Variants in PTPRZ1 observed in about 807,000 individuals in gnomAD.
The protein encoded by PTPRZ1 is receptor-type tyrosine-protein phosphatase zeta.
PTPRZ1 carries 82 observed loss-of-function variants against 214.1 expected under a neutral mutation model. That is an observed-to-expected ratio of 0.38 (90% CI 0.32 to 0.46). PTPRZ1 has a LOEUF of 0.46. Ranked by LOEUF, PTPRZ1 falls within the 20% of genes least tolerant of loss-of-function variation. The pLI is 1.00. For synonymous variants in PTPRZ1, 945 were observed against 987.9 expected (o/e 0.96, Z 0.81); for missense variants, 2,603 against 2,748.7 (o/e 0.95, Z 1.19).
chr7:121,990,799 C>T (rs1329486067), intron 8 of PTPRZ1, among the ~76,000 whole-genome samples: 4 of 152,110 alleles, frequency 2.6e-5, no homozygotes, highest in African/African-American at 7.2e-5. Flanking sequence ...AGATTACAGG[C>T]GTGAGCCATC....
At chr7:121,928,074 A>G in intron 1 of PTPRZ1, 82 bp from the exon 2 acceptor site, 1 of 963,562 alleles carries the variant, frequency 1.0e-6, no homozygotes, top group Non-Finnish European at 1.7e-6. Context: ...AGAACTATTT[A>G]TGGTATGAAT....
In PTPRZ1 at chr7:122,042,594, G is replaced by A. The variant is rs759234168; in HGVS notation, c.5802-14G>A. 8 of 1,556,928 alleles carry A rather than the reference G, an allele frequency of 5.1e-6. No homozygotes were observed. In the Admixed American group the frequency reaches 1.3e-4, roughly 26 times the overall value. ...CTTAACATTGAAATATTTATTTCTT[G>A]GTCTTCTCTTCAGTGCTGGAGTTGG... On this transcript the variant is annotated splice_polypyrimidine_tract_variant and intron_variant, in intron 21 of 29. Transcript: ENST00000393386.
intron 2 of PTPRZ1, among the ~76,000 whole-genome samples, chr7:121,965,866 T>C (rs1050474257): frequency 3.9e-5 from 6 of 152,230 alleles, no homozygotes; most frequent in African/African-American, 1.4e-4. Flanking sequence ...TTAATGTGTA[T>C]ATCAATATCC....
chr7:121,929,827 AAAAT>A (rs3069080), intron 2 of PTPRZ1, among the ~76,000 whole-genome samples: 93,884 of 145,182 alleles, frequency 0.65, 31,174 homozygotes, highest in African/African-American at 0.79. Flanking sequence ...ATAAAAATAA[AAAAT>A]AAATAAATAA....
At chr7:121,962,997 T>C (rs1444594858) in intron 2 of PTPRZ1, among the ~76,000 whole-genome samples, 2 of 152,172 alleles carry the variant, frequency 1.3e-5, no homozygotes, top group African/African-American at 2.4e-5. Flanking sequence ...TCTGTTTATT[T>C]TTCTGTTTGT....
chr7:121,943,025 C>T (rs963822681), intron 2 of PTPRZ1, among the ~76,000 whole-genome samples: 1 of 152,028 alleles, frequency 6.6e-6, no homozygotes, highest in Non-Finnish European at 1.5e-5. Context: ...TCATACTGAA[C>T]AATTATTTAT....
rs1797428623 is a variant in PTPRZ1, at chr7:121,976,200, C to T, written c.484C>T (p.Arg162Ter). The T allele has an allele frequency of 6.2e-7, 1 of 1,607,698 alleles. No individual in the cohort carries two copies. The highest frequency in any genetic ancestry group is 8.5e-7 in the Non-Finnish European group (1 of 1,175,984). Residue 162 changes from arginine (R) to a stop codon, truncating the protein, a stop_gained, in exon 5 of 30, where the codon CGA becomes TGA. Transcript: ENST00000393386. LOFTEE classifies it high-confidence loss of function. ...EMQIYCFDADRFSSFEEAVKG... is the reference protein window; with the variant it reads ...EMQIYCFDAD The stretch of plus-strand genomic sequence containing the variant: ...GCAAATCTACTGCTTTGATGCGGAC[C>T]GATTTTCAAGTTTTGAGGAAGCAGT...
At chr7:122,051,383 G>T in intron 23 of PTPRZ1, 45 bp from the exon 24 acceptor site, 1 of 1,382,586 alleles carries the variant, frequency 7.2e-7, no homozygotes, top group South Asian at 1.2e-5. Context: ...GTATTTGGGG[G>T]ACTTAAATGA....
intron 27 of PTPRZ1, among the ~76,000 whole-genome samples, chr7:122,056,137 A>G (rs1027973058): frequency 2.0e-5 from 3 of 151,844 alleles, no homozygotes; most frequent in Admixed American, 2.0e-4. Context: ...AGTAGCATCC[A>G]TTTAGATCTG....
chr7:121,950,995 A>G (rs571146241), intron 2 of PTPRZ1, among the ~76,000 whole-genome samples: 80 of 152,350 alleles, frequency 5.3e-4, no homozygotes, highest in Non-Finnish European at 1.0e-3. Flanking sequence ...CATAAAATAT[A>G]ATTTTGATTT....
intron 2 of PTPRZ1, among the ~76,000 whole-genome samples, chr7:121,942,937 A>C (rs1796271030): frequency 6.6e-6 from 1 of 152,244 alleles, no homozygotes; most frequent in Non-Finnish European, 1.5e-5. Flanking sequence ...CAAGTTTTTT[A>C]ACCATATTTG....
chr7:122,052,851 A>G (rs1386081408), intron 25 of PTPRZ1, among the ~76,000 whole-genome samples: 3 of 152,148 alleles, frequency 2.0e-5, no homozygotes, highest in Non-Finnish European at 4.4e-5. Flanking sequence ...CTCTCTGTGG[A>G]GTAAGAGACA....
At chr7:122,002,700 T>A (rs544653550) in intron 10 of PTPRZ1, among the ~76,000 whole-genome samples, 2 of 152,294 alleles carry the variant, frequency 1.3e-5, no homozygotes, top group South Asian at 4.1e-4. Context: ...ATTAAAAGTA[T>A]GAAGTTAGGT....
At chr7:121,981,151 A>AG (rs1420658242) in intron 6 of PTPRZ1, among the ~76,000 whole-genome samples, 15 of 151,864 alleles carry the variant, frequency 9.9e-5, no homozygotes, top group Non-Finnish European at 1.8e-4. Flanking sequence ...AAAAAAAAAA[A>AG]AAAGAAAGAA....
chr7:122,036,797 A>C (rs1311668863), intron 18 of PTPRZ1, 115 bp downstream of exon 18: 1 of 669,792 alleles, frequency 1.5e-6, no homozygotes, highest in Non-Finnish European at 2.4e-6. Context: ...TTCGATAGAG[A>C]ATAAAAATGG....
intron 2 of PTPRZ1, among the ~76,000 whole-genome samples, chr7:121,956,372 C>T (rs1224490107): frequency 6.6e-6 from 1 of 152,128 alleles, no homozygotes; most frequent in Non-Finnish European, 1.5e-5. Context: ...TTTCAAAAAT[C>T]CTTCTCTAAT....
chr7:121,873,477 G>T lies in PTPRZ1; in HGVS notation c.-23G>T. 1.2e-6 allele frequency: 2 copies of T among 1,613,380 alleles called. No homozygotes were observed. The stretch of plus-strand genomic sequence containing the variant: ...CTGAGAAGCAGAGGAGCCGCACGGC[G>T]AGGGGCCGCAGACCGTCTGGAAATG... On this transcript the variant is annotated 5_prime_UTR_variant, in exon 1 of 30. Transcript: ENST00000393386.
chr7:121,886,215 A>G (rs1319146410), intron 1 of PTPRZ1, among the ~76,000 whole-genome samples: 2 of 152,116 alleles, frequency 1.3e-5, no homozygotes, highest in African/African-American at 4.8e-5. Context: ...TTACAATTCA[A>G]TATGCCAGAC....
intron 27 of PTPRZ1, among the ~76,000 whole-genome samples, chr7:122,056,702 CACCATTGACTTTAAGAAATAGA>C (rs746488736): frequency 1.2e-3 from 184 of 151,706 alleles, no homozygotes; most frequent in Non-Finnish European, 1.9e-3. Flanking sequence ...TACTTTTACC[CACCATTGACTTTAAGAAATAGA>C]ACATGGCCTT....
Sources: gnomAD v4.1 joint callset for allele counts (sites outside exome capture counted in the v4.1 genomes callset) on GRCh38, gnomAD v4.1.1 for gene constraint, MANE v1.5 for transcripts, NCBI Gene and HGNC (gene_info 2026-07-23, HGNC 2026-07-21) for gene names.